Variants in LRRC9 observed in about 807,000 individuals in gnomAD.
LRRC9 encodes leucine-rich repeat-containing protein 9.
In LRRC9, 122 loss-of-function variants were observed where a neutral mutation model predicts 63.2. That is an observed-to-expected ratio of 1.93 (90% confidence interval 1.67 to 2.24). The LOEUF is 2.24. Among genes scored for constraint, LRRC9 ranks in the 30% most tolerant of loss-of-function variants. The pLI, the probability that LRRC9 is intolerant of heterozygous loss-of-function variation, is 0.00. For missense variants in LRRC9, 1,071 were observed against 627.7 expected (o/e 1.71, Z -7.55); for synonymous variants, 366 against 213.1 (o/e 1.72, Z -6.25).
chr14:60,038,629 T>C (rs1351284331), intron 29 of LRRC9, among the ~76,000 whole-genome samples: 4 of 152,234 alleles, frequency 2.6e-5, no homozygotes, highest in Admixed American at 6.5e-5. Context: ...ATCCTGCGAC[T>C]TTGCTGAAGT....
chr14:59,927,214 A>G lies in LRRC9; in HGVS notation c.-33-697A>G, dbSNP rs1378024970. 1.3e-5 allele frequency among the ~76,000 whole-genome samples: 2 copies of G among 152,204 alleles called. No homozygotes were observed. Among genetic ancestry groups the G allele is most frequent in the South Asian group, 2.1e-4 (1 of 4,828 alleles). ...ATTGTAAAGAAAGGGATTATACTGT[A>G]TACCATTTTCTAAATCTCGCTTTGT... On this transcript the variant is annotated intron_variant, in intron 1 of 31. Coordinates refer to ENST00000445360, the Ensembl canonical transcript of LRRC9. This position sits in a 1 kb window ranked among gnomAD's most constrained non-coding sequence, Gnocchi z 4.4.
intron 30 of LRRC9, chr14:60,054,021 T>C (rs1335860456): frequency 2.4e-6 from 1 of 413,810 alleles, no homozygotes; most frequent in Admixed American, 3.3e-5. Flanking sequence ...ATCTTTGATG[T>C]AAGTGAAAAC....
intron 28 of LRRC9, among the ~76,000 whole-genome samples, chr14:60,029,484 TTTA>T (rs2140320498): frequency 6.6e-6 from 1 of 152,214 alleles, no homozygotes; most frequent in South Asian, 2.1e-4. Context: ...AGATTCTAGG[TTTA>T]TTTATTACAG....
At chr14:59,985,074 A>C (rs1296003295) in intron 16 of LRRC9, 31 bp from the exon 17 acceptor site, 1 of 620,562 alleles carries the variant, frequency 1.6e-6, no homozygotes, top group East Asian at 2.8e-5. Flanking sequence ...AACCTGTATT[A>C]TTTTTTAATG....
At chr14:60,008,750 C>T (rs2140237451) in intron 23 of LRRC9, among the ~76,000 whole-genome samples, 1 of 152,234 alleles carries the variant, frequency 6.6e-6, no homozygotes, top group Non-Finnish European at 1.5e-5. Context: ...TTCCACATAG[C>T]AGGGTAAATG....
At chr14:60,050,610 T>A (rs1192991279) in intron 29 of LRRC9, among the ~76,000 whole-genome samples, 2 of 152,222 alleles carry the variant, frequency 1.3e-5, no homozygotes, top group Non-Finnish European at 2.9e-5. Context: ...GTGCCCTTGC[T>A]GGTTATTTGG....
chr14:59,952,424 G>T (rs1883263788), intron 8 of LRRC9, among the ~76,000 whole-genome samples: 1 of 152,100 alleles, frequency 6.6e-6, no homozygotes, highest in Non-Finnish European at 1.5e-5. Context: ...AGATGAACCG[G>T]GTACCTCAGA....
In LRRC9 at chr14:60,017,687, G is replaced by A. The variant is rs1890803047; in HGVS notation, c.3318-684G>A. 6.6e-6 allele frequency among the ~76,000 whole-genome samples: 1 copy of A among 152,058 alleles called. No homozygotes were observed. The highest frequency in any genetic ancestry group is 1.5e-5 in the Non-Finnish European group (1 of 67,986). The stretch of plus-strand genomic sequence containing the variant: ...TGTTGACTGAATGAATGACTTATTA[G>A]TGGGTAAAAGTATGTCATAATTGTA... On this transcript the variant is annotated intron_variant, in intron 24 of 31. Coordinates refer to ENST00000445360, the Ensembl canonical transcript of LRRC9. The surrounding 1 kb of genome is among the most constrained non-coding windows in gnomAD (Gnocchi z 4.0).
intron 17 of LRRC9, among the ~76,000 whole-genome samples, chr14:59,994,115 C>G (rs1249608563): frequency 6.6e-6 from 1 of 152,134 alleles, no homozygotes; most frequent in Non-Finnish European, 1.5e-5. Context: ...CAAACTGTCT[C>G]TCAGAACACA....
At position 60,042,415 on chromosome 14, in the gene LRRC9, G is replaced by A. The variant is rs567827244; in HGVS notation, c.3990+10352G>A. Among the ~76,000 whole-genome samples, 1 of 152,306 alleles carries A rather than the reference G, an allele frequency of 6.6e-6. No individual in the cohort carries two copies. Among genetic ancestry groups the A allele is most frequent in the Admixed American group, 6.5e-5 (1 of 15,302 alleles). On this transcript the variant is annotated intron_variant, in intron 29 of 31. Coordinates refer to ENST00000445360, the Ensembl canonical transcript of LRRC9. This position sits in a 1 kb window ranked among gnomAD's most constrained non-coding sequence, Gnocchi z 4.2. The stretch of plus-strand genomic sequence containing the variant: ...GGCTCCACTGAGTTCGAGCTTCCCA[G>A]CTTCTTTGTTTACCTATTCAAGCCT...
chr14:59,997,964 C>T (rs1213811984), intron 18 of LRRC9, 117 bp downstream of exon 18: 5 of 563,666 alleles, frequency 8.9e-6, no homozygotes, highest in Non-Finnish European at 1.6e-5. Context: ...TTTTTCTAGA[C>T]TTCCTTCCTT....
At chr14:60,008,741 T>C (rs1890015508) in intron 23 of LRRC9, among the ~76,000 whole-genome samples, 1 of 152,172 alleles carries the variant, frequency 6.6e-6, no homozygotes, top group Admixed American at 6.5e-5. Context: ...GCTCCTGTTT[T>C]CCACATAGCA....
chr14:59,921,717 ATTTTTTT>A (rs57938700), intron 1 of LRRC9, among the ~76,000 whole-genome samples: 164 of 121,166 alleles, frequency 1.4e-3, no homozygotes, highest in African/African-American at 3.7e-3. Context: ...GGGCAGTTGG[ATTTTTTT>A]TTTTTTTTTT....
chr14:59,951,969 C>G (rs1345487509), intron 8 of LRRC9, among the ~76,000 whole-genome samples: 2 of 151,684 alleles, frequency 1.3e-5, no homozygotes, highest in Non-Finnish European at 3.0e-5. Flanking sequence ...CTGTGCCCTG[C>G]CCCCAGAGGT....
intron 13 of LRRC9, among the ~76,000 whole-genome samples, chr14:59,975,012 C>CAT (rs1331732439): frequency 1.9e-4 from 22 of 113,728 alleles, no homozygotes; most frequent in Admixed American, 6.9e-4. Context: ...TGTTGTGTCA[C>CAT]ATATATATAT....
chr14:59,933,522 A>G (rs1394226933), intron 6 of LRRC9, among the ~76,000 whole-genome samples: 1 of 152,224 alleles, frequency 6.6e-6, no homozygotes, highest in South Asian at 2.1e-4. Context: ...ATCCTCTAGA[A>G]AATACTGAAG....
At chr14:60,012,998 G>A (rs1890373513) in intron 23 of LRRC9, among the ~76,000 whole-genome samples, 1 of 150,502 alleles carries the variant, frequency 6.6e-6, no homozygotes, top group African/African-American at 2.4e-5. Context: ...TAGGGTACAT[G>A]TGCACAATGT....
rs1254345188 is a variant in LRRC9, at chr14:60,003,360, C to T, written c.2665-261C>T. ...ACTCTGCCAGAAGCACTCCCAGCAG[C>T]TGGGACAAGTCCATTACTGTAATGG... On this transcript the variant is annotated intron_variant, in intron 20 of 31. Transcript: ENST00000445360. The surrounding 1 kb of genome is among the most constrained non-coding windows in gnomAD (Gnocchi z 4.2). 1.3e-5 allele frequency among the ~76,000 whole-genome samples: 2 copies of T among 152,234 alleles called. No individual in the cohort carries two copies. The highest frequency in any genetic ancestry group is 2.9e-5 in the Non-Finnish European group (2 of 68,040).
chr14:60,057,166 A>G (rs1894347649), intron 30 of LRRC9, among the ~76,000 whole-genome samples: 1 of 152,176 alleles, frequency 6.6e-6, no homozygotes, highest in Admixed American at 6.5e-5. Context: ...GCTGAATCAT[A>G]TGTTCAGAAT....
Sources: allele counts gnomAD v4.1 joint callset (sites outside exome capture counted in the v4.1 genomes callset), GRCh38; gene constraint gnomAD v4.1.1; non-coding constraint Gnocchi (gnomAD v3.1); transcripts MANE v1.5; gene names NCBI Gene and HGNC (gene_info 2026-07-23, HGNC 2026-07-21).